The following CAB39 variants were observed in gnomAD, a reference collection of about 807,000 sequenced individuals.
The protein encoded by CAB39 is calcium binding protein 39.
In CAB39, 8 loss-of-function variants were observed where a neutral mutation model predicts 40.0. The ratio of observed to expected loss-of-function variants is 0.20; its 90% CI spans 0.12 to 0.36. The LOEUF (loss-of-function observed/expected upper bound fraction) is 0.36. Among genes scored for constraint, CAB39 ranks in the 10% least tolerant of loss-of-function variants. The probability of loss-of-function intolerance (pLI) is 1.00; values close to 1 mark genes in which losing one functional copy is unlikely to be tolerated. For synonymous variants in CAB39, 156 were observed against 141.6 expected (o/e 1.10, Z -0.72); for missense variants, 270 against 401.1 (o/e 0.67, Z 2.79).
In CAB39 at chr2:230,811,050, C is replaced by T. The variant is rs138412965; in HGVS notation, c.627+728C>T. On this transcript the variant is annotated intron_variant, in intron 6 of 8. Transcript: ENST00000258418. ...GAGGATCTTCCACAATACCCACAAG[C>T]ACTGTTGTGATGTACTGGTTTAACT... 4.3e-3 allele frequency among the ~76,000 whole-genome samples: 656 copies of T among 152,288 alleles called. 5 individuals are homozygous for T. Among genetic ancestry groups the T allele is most frequent in the African/African-American group, 0.015 (627 of 41,560 alleles).
intron 1 of CAB39, among the ~76,000 whole-genome samples, chr2:230,754,810 C>T (rs557048690): frequency 4.6e-5 from 7 of 152,224 alleles, no homozygotes; most frequent in Non-Finnish European, 8.8e-5. Context: ...TGAGCCACTG[C>T]GCCCGGCCTA....
At chr2:230,731,022 G>A (rs1226478679) in intron 1 of CAB39, among the ~76,000 whole-genome samples, 1 of 152,198 alleles carries the variant, frequency 6.6e-6, no homozygotes, top group Non-Finnish European at 1.5e-5. Flanking sequence ...AAAGGTCAAT[G>A]TTTTATCCCC....
chr2:230,769,372 T>A lies in CAB39; in HGVS notation c.114+9257T>A, dbSNP rs150214272. ...AAGCAAGCAGAAAATCAGCAAGGATTTTCTAGGTAGACCAGAATGGTACTG... is the reference window on the plus strand; with the variant it reads ...AAGCAAGCAGAAAATCAGCAAGGATATTCTAGGTAGACCAGAATGGTACTG... On this transcript the variant is annotated intron_variant, in intron 2 of 8. Transcript: ENST00000258418. Among the ~76,000 whole-genome samples, 6 of 152,286 alleles carry A rather than the reference T, an allele frequency of 3.9e-5. No homozygotes were observed. In the East Asian group the frequency reaches 1.2e-3, roughly 29 times the overall value.
At chr2:230,734,624 A>G (rs1166022052) in intron 1 of CAB39, among the ~76,000 whole-genome samples, 4 of 152,184 alleles carry the variant, frequency 2.6e-5, no homozygotes, top group African/African-American at 7.2e-5. Context: ...TCCAAAATCA[A>G]ACATCCATAG....
intron 1 of CAB39, among the ~76,000 whole-genome samples, chr2:230,740,025 A>G (rs956474554): frequency 6.6e-6 from 1 of 152,234 alleles, no homozygotes; most frequent in Admixed American, 6.5e-5. Flanking sequence ...AGAACAAAAT[A>G]GAATAAAGAA....
chr2:230,807,648 C>T (rs1345037023), intron 5 of CAB39, among the ~76,000 whole-genome samples: 10 of 152,182 alleles, frequency 6.6e-5, no homozygotes, highest in Admixed American at 6.5e-4. Flanking sequence ...TTGTGTGGCC[C>T]ATCTGTGAGC....
chr2:230,812,753 T>G (rs1453585715), intron 6 of CAB39, among the ~76,000 whole-genome samples: 1 of 152,214 alleles, frequency 6.6e-6, no homozygotes, highest in Non-Finnish European at 1.5e-5. Context: ...CTGTGTTAGC[T>G]CTAAACCAAG....
intron 2 of CAB39, among the ~76,000 whole-genome samples, chr2:230,771,681 G>C (rs750407237): frequency 5.3e-5 from 8 of 152,158 alleles, no homozygotes; most frequent in Non-Finnish European, 1.0e-4. Flanking sequence ...AAGTTGGAGG[G>C]CTCACACTGT....
intron 1 of CAB39, among the ~76,000 whole-genome samples, chr2:230,724,432 A>T (rs987177856): frequency 1.3e-5 from 2 of 152,140 alleles, no homozygotes; most frequent in African/African-American, 4.8e-5. Flanking sequence ...CTGTAATCCC[A>T]GCACTTTGGG....
intron 1 of CAB39, among the ~76,000 whole-genome samples, chr2:230,748,867 T>TATATATATATATAA (rs1285999189): frequency 9.1e-6 from 1 of 109,786 alleles, no homozygotes; most frequent in Non-Finnish European, 1.9e-5. Flanking sequence ...TATATATATA[T>TATATATATATATAA]AACAAAATGG....
chr2:230,716,860 C>T (rs1000154554), intron 1 of CAB39, among the ~76,000 whole-genome samples: 9 of 152,136 alleles, frequency 5.9e-5, no homozygotes, highest in African/African-American at 2.2e-4. Flanking sequence ...ATTAGCCGGG[C>T]ATGGTGGTGT....
At chr2:230,719,016 A>G (rs1039920183) in intron 1 of CAB39, among the ~76,000 whole-genome samples, 9 of 152,220 alleles carry the variant, frequency 5.9e-5, no homozygotes, top group Non-Finnish European at 1.2e-4. Flanking sequence ...TTCAAAATAT[A>G]TTAAATGTTC....
intron 3 of CAB39, among the ~76,000 whole-genome samples, chr2:230,791,927 T>C (rs139931292): frequency 6.6e-6 from 1 of 152,344 alleles, no homozygotes; most frequent in East Asian, 1.9e-4. Context: ...TTGTCATCAG[T>C]GTGCTTTGTT....
chr2:230,759,978 G>C lies in CAB39; in HGVS notation c.-24G>C. ...TTCTAGGTAGCACAGGCGGAGTGCA[G>C]CGGAGGCCCCTGCCGCTGCCGTCAT... On this transcript the variant is annotated 5_prime_UTR_variant, in exon 2 of 9. Transcript: ENST00000258418. The C allele has an allele frequency of 7.2e-7, 1 of 1,380,242 alleles. No homozygotes were observed. The highest frequency in any genetic ancestry group is 1.0e-6 in the Non-Finnish European group (1 of 967,064). The allele number at this position is 1,380,242 out of a possible 1,614,324, so 85.5% of individuals were successfully genotyped here. A position where few individuals can be genotyped will look rare whatever the true frequency, so the allele number is the denominator to read the frequency against.
chr2:230,743,546 A>G (rs1032508450), intron 1 of CAB39, among the ~76,000 whole-genome samples: 1 of 152,246 alleles, frequency 6.6e-6, no homozygotes, highest in Non-Finnish European at 1.5e-5. Flanking sequence ...AGTTTTGCCA[A>G]GCTACATTAA....
chr2:230,784,076 C>A (rs956265900), intron 2 of CAB39, among the ~76,000 whole-genome samples: 1 of 152,080 alleles, frequency 6.6e-6, no homozygotes, highest in African/African-American at 2.4e-5. Context: ...TTAATCTAGG[C>A]AAGAGTTATG....
intron 1 of CAB39, among the ~76,000 whole-genome samples, chr2:230,717,024 T>C (rs1048516086): frequency 1.3e-5 from 2 of 152,068 alleles, no homozygotes; most frequent in African/African-American, 4.8e-5. Flanking sequence ...AAAATAAAAA[T>C]AATAAAAATA....
chr2:230,796,707 A>G (rs1695993234), intron 4 of CAB39, among the ~76,000 whole-genome samples: 1 of 152,022 alleles, frequency 6.6e-6, no homozygotes, highest in African/African-American at 2.4e-5. Context: ...ATAACAAATG[A>G]GTACTACAGG....
chr2:230,753,366 C>T lies in CAB39; in HGVS notation c.-43-6593C>T, dbSNP rs58102447. On this transcript the variant is annotated intron_variant, in intron 1 of 8. Coordinates refer to ENST00000258418, the MANE Select transcript of CAB39 (RefSeq NM_016289.4). Reference sequence around the variant, plus strand: ...TGTCCCCATAGCAGGTACGGATTGCCACAACCCACTTTAGAATCCTGTCAC... The same window carrying T: ...TGTCCCCATAGCAGGTACGGATTGCTACAACCCACTTTAGAATCCTGTCAC... Among the ~76,000 whole-genome samples, 674 of 152,258 alleles carry T rather than the reference C, an allele frequency of 4.4e-3. 4 individuals carry two copies. Among genetic ancestry groups the T allele is most frequent in the African/African-American group, 0.015 (632 of 41,546 alleles).
Sources: gnomAD v4.1 joint callset for allele counts (sites outside exome capture counted in the v4.1 genomes callset) on GRCh38, gnomAD v4.1.1 for gene constraint, MANE v1.5 for transcripts, NCBI Gene and HGNC (gene_info 2026-07-23, HGNC 2026-07-21) for gene names.